Variants in CACNG2 observed in about 807,000 individuals in gnomAD.
CACNG2 encodes the protein calcium voltage-gated channel auxiliary subunit gamma 2.
In CACNG2, 3 loss-of-function variants were observed where a neutral mutation model predicts 25.9. The ratio of observed to expected loss-of-function variants is 0.12; its 90% CI spans 0.05 to 0.30. CACNG2 has a LOEUF of 0.30. CACNG2 is among the 10% of genes least tolerant of loss of function. The probability of loss-of-function intolerance (pLI) is 1.00; values close to 1 mark genes in which losing one functional copy is unlikely to be tolerated. For missense variants in CACNG2, 341 were observed against 432.5 expected (o/e 0.79, Z 1.88); for synonymous variants, 167 against 173.3 (o/e 0.96, Z 0.29).
chr22:36,597,742 G>A (rs1009886375), intron 1 of CACNG2, among the ~76,000 whole-genome samples: 4 of 152,154 alleles, frequency 2.6e-5, no homozygotes, highest in Non-Finnish European at 4.4e-5. Context: ...TGGGGATCAC[G>A]TTAAGCCAGG....
chr22:36,609,267 T>A (rs1278191458), intron 1 of CACNG2, among the ~76,000 whole-genome samples: 3 of 132,702 alleles, frequency 2.3e-5, no homozygotes, highest in African/African-American at 8.9e-5. Context: ...CGGGCAGGAA[T>A]CAGCACCCCC....
At chr22:36,632,469 CCTCT>C (rs131827) in intron 1 of CACNG2, among the ~76,000 whole-genome samples, 27,898 of 144,844 alleles carry the variant, frequency 0.19, 5,492 homozygotes, top group African/African-American at 0.51. Flanking sequence ...TCTCTCCTCT[CCTCT>C]CTCTCTCTCT....
At position 36,634,078 on chromosome 22, in the gene CACNG2, T is replaced by A. The variant is rs867066797; in HGVS notation, c.212-46530A>T. 7.2e-5 allele frequency among the ~76,000 whole-genome samples: 11 copies of A among 152,316 alleles called. No individual in the cohort carries two copies. In the South Asian group the frequency reaches 2.3e-3, roughly 32 times the overall value. On this transcript the variant is annotated intron_variant, in intron 1 of 3. Transcript: ENST00000300105. Reference sequence around the variant, plus strand: ...GACTTGACAGTGAATTCTAATTCAGTTGTGTATAGGCTGAGTGACGTCAGG... The same window carrying A: ...GACTTGACAGTGAATTCTAATTCAGATGTGTATAGGCTGAGTGACGTCAGG...
intron 2 of CACNG2, among the ~76,000 whole-genome samples, chr22:36,572,160 T>C (rs1935241814): frequency 1.3e-5 from 2 of 152,238 alleles, no homozygotes; most frequent in South Asian, 4.1e-4. Context: ...TCACATTACC[T>C]GACAACATTT....
chr22:36,668,339 T>G (rs75320379), intron 1 of CACNG2, among the ~76,000 whole-genome samples: 6,184 of 152,200 alleles, frequency 0.041, 240 homozygotes, highest in African/African-American at 0.089. Flanking sequence ...AGAATATATA[T>G]AGAGAGATAT....
chr22:36,591,105 C>T (rs1345541534), intron 1 of CACNG2, among the ~76,000 whole-genome samples: 3 of 151,726 alleles, frequency 2.0e-5, no homozygotes, highest in Non-Finnish European at 2.9e-5. Context: ...GGCACAATCT[C>T]GGCTCACTGC....
chr22:36,602,386 T>C (rs1009930506), intron 1 of CACNG2, among the ~76,000 whole-genome samples: 1 of 151,848 alleles, frequency 6.6e-6, no homozygotes, highest in Admixed American at 6.6e-5. Flanking sequence ...TCTAAAAATA[T>C]ATATATATAT....
rs1935015547 is a variant in CACNG2 at position 36,560,872 on chromosome 22, A to T, written c.*3479T>A. On this transcript the variant is annotated 3_prime_UTR_variant, in exon 4 of 4. Coordinates refer to ENST00000300105, the MANE Select transcript of CACNG2 (RefSeq NM_006078.5). ...TTCACTGAAGTGAGGACCAAGCTATAAAAAAAAAAAATCTTTATTTCATGT... is the reference window on the plus strand; with the variant it reads ...TTCACTGAAGTGAGGACCAAGCTATTAAAAAAAAAAATCTTTATTTCATGT... 9.8e-6 allele frequency: 1 copy of T among 101,938 alleles called. No homozygotes were observed. Among genetic ancestry groups the T allele is most frequent in the Admixed American group, 9.1e-5 (1 of 11,044 alleles). 6.3% of individuals were successfully genotyped at this position (101,938 alleles called of 1,614,324 possible). A position where few individuals can be genotyped will look rare whatever the true frequency, so the allele number is the denominator to read the frequency against.
chr22:36,564,227 T>C lies in CACNG2; in HGVS notation c.*124A>G, dbSNP rs1935083004. On this transcript the variant is annotated 3_prime_UTR_variant, in exon 4 of 4. Coordinates refer to ENST00000300105, the MANE Select transcript of CACNG2 (RefSeq NM_006078.5). The surrounding 1 kb of genome is among the most constrained non-coding windows in gnomAD (Gnocchi z 6.7). ...TGTTTTTTTGTTTTTTGTTTTTTTG[T>C]TTTTTTTGTTTTTTGTTTTTGCTTT... is the stretch of plus-strand genomic sequence containing the variant. 1 of 803,338 alleles carries C rather than the reference T, an allele frequency of 1.2e-6. No individual in the cohort carries two copies. The highest frequency in any genetic ancestry group is 1.8e-5 in the African/African-American group (1 of 56,872). 49.8% of individuals were successfully genotyped at this position (803,338 alleles called of 1,614,324 possible).
chr22:36,668,810 A>T (rs959235841), intron 1 of CACNG2, among the ~76,000 whole-genome samples: 1 of 152,090 alleles, frequency 6.6e-6, no homozygotes, highest in Non-Finnish European at 1.5e-5. Flanking sequence ...GCCGGGTGTA[A>T]GTCTTGCTCT....
intron 1 of CACNG2, among the ~76,000 whole-genome samples, chr22:36,621,947 AG>A (rs1209132917): frequency 6.6e-6 from 1 of 152,262 alleles, no homozygotes; most frequent in Non-Finnish European, 1.5e-5. Context: ...TATCTGCCAA[AG>A]ACGACAACAA....
rs1430487866 is a variant in CACNG2, at chr22:36,564,628, C to T, written c.695G>A (p.Arg232His). 1.9e-6 allele frequency: 3 copies of T among 1,613,736 alleles called. No homozygotes were observed. Among genetic ancestry groups the T allele is most frequent in the East Asian group, 2.2e-5 (1 of 44,870 alleles). Reference protein sequence around the residue: ...AITRIPSYRYRYQRRSRSSSR... With the variant: ...AITRIPSYRYHYQRRSRSSSR... The stretch of plus-strand genomic sequence containing the variant: ...GCTGGAGCGGCTGCGGCGCTGGTAG[C>T]GGTAGCGGTAGCTGGGGATGCGGGT... The change falls in exon 4 of 4, where the codon CGC (arginine) becomes CAC (histidine). Residue 232 changes from arginine (R) to histidine (H), a missense_variant. Transcript: ENST00000300105. This position sits in a 1 kb window ranked among gnomAD's most constrained non-coding sequence, Gnocchi z 6.7.
At chr22:36,681,336 A>C (rs982811861) in intron 1 of CACNG2, among the ~76,000 whole-genome samples, 1 of 152,214 alleles carries the variant, frequency 6.6e-6, no homozygotes, top group African/African-American at 2.4e-5. Context: ...AGGAAGAGCA[A>C]CTACATGATT....
chr22:36,574,726 G>A (rs1313730523), intron 2 of CACNG2, among the ~76,000 whole-genome samples: 3 of 152,186 alleles, frequency 2.0e-5, no homozygotes, highest in Non-Finnish European at 4.4e-5. Flanking sequence ...AGGTTGCCGT[G>A]CACCAAAATT....
chr22:36,618,164 C>T (rs1936049625), intron 1 of CACNG2, among the ~76,000 whole-genome samples: 1 of 152,230 alleles, frequency 6.6e-6, no homozygotes, highest in Non-Finnish European at 1.5e-5. Flanking sequence ...TGTGACTTTG[C>T]TCCATTGGGT....
In CACNG2 at chr22:36,703,238, AGCGGCGGCG is replaced by A. The variant is rs538190446; in HGVS notation, c.-671_-663del. The A allele has an allele frequency of 1.2e-3, 188 of 154,622 alleles. 2 individuals carry two copies. The highest frequency in any genetic ancestry group is 1.8e-3 in the South Asian group (10 of 5,662). The allele number at this position is 154,622 out of a possible 1,614,324, so 9.6% of individuals were successfully genotyped here. On this transcript the variant is annotated 5_prime_UTR_variant, in exon 1 of 4. Transcript: ENST00000300105. ...TCGCTTTCCATGGTTTTGCCCGGGC[AGCGGCGGCG>A]GCGGCGGCGGCGGCGGCAGGGCGGG... is the stretch of plus-strand genomic sequence containing the variant.
At chr22:36,640,052 A>G (rs1463920425) in intron 1 of CACNG2, among the ~76,000 whole-genome samples, 1 of 152,230 alleles carries the variant, frequency 6.6e-6, no homozygotes, top group Non-Finnish European at 1.5e-5. Context: ...AAAAGTGAGC[A>G]GCTCTTCAAG....
Position 36,675,409 on chromosome 22 carries a change from C to T in CACNG2, c.211+26957G>A, listed in dbSNP as rs559986641. On this transcript the variant is annotated intron_variant, in intron 1 of 3. Transcript: ENST00000300105. ...AATATGAGTGCTCTCCCCTGTTCTC[C>T]TTTCCTGACCCAATAGTCAAGCTCT... Among the ~76,000 whole-genome samples, 46 of 152,298 alleles carry T rather than the reference C, an allele frequency of 3.0e-4. No homozygotes were observed. The East Asian group carries it at 8.5e-3, about 28-fold the overall frequency.
intron 1 of CACNG2, among the ~76,000 whole-genome samples, chr22:36,699,933 A>C (rs1312298982): frequency 6.6e-6 from 1 of 152,254 alleles, no homozygotes; most frequent in Non-Finnish European, 1.5e-5. Flanking sequence ...AGGTGGTCCC[A>C]GGCCTGCAAA....
Sources: gnomAD v4.1 joint callset for allele counts (sites outside exome capture counted in the v4.1 genomes callset) on GRCh38, gnomAD v4.1.1 for gene constraint, Gnocchi (gnomAD v3.1) non-coding constraint, MANE v1.5 for transcripts, NCBI Gene and HGNC (gene_info 2026-07-23, HGNC 2026-07-21) for gene names.